The following LRRC9 variants were observed in gnomAD, a reference collection of about 807,000 sequenced individuals.
LRRC9 encodes leucine rich repeat containing 9.
In LRRC9, 122 loss-of-function variants were observed where a neutral mutation model predicts 63.2. That is an observed-to-expected ratio of 1.93 (90% confidence interval 1.67 to 2.24). The LOEUF (loss-of-function observed/expected upper bound fraction) is 2.24. Among genes scored for constraint, LRRC9 ranks in the 30% most tolerant of loss-of-function variants. The pLI is 0.00. For synonymous variants in LRRC9, 366 were observed against 213.1 expected (o/e 1.72, Z -6.25); for missense variants, 1,071 against 627.7 (o/e 1.71, Z -7.55).
rs1454384844 is a variant in LRRC9 at position 60,053,989 on chromosome 14, C to G, written c.4131+784C>G. On this transcript the variant is annotated intron_variant, in intron 30 of 31. Transcript: ENST00000445360. The surrounding 1 kb of genome is among the most constrained non-coding windows in gnomAD (Gnocchi z 4.8). ...AAGAGAGATGTTATGAAGACCTGGA[C>G]CACGGTAGAGAATATAAATGAATCT... The G allele has an allele frequency of 2.3e-6, 1 of 438,028 alleles. No homozygotes were observed. The highest frequency in any genetic ancestry group is 4.5e-6 in the Non-Finnish European group (1 of 222,008). 27.1% of individuals were successfully genotyped at this position (438,028 alleles called of 1,614,324 possible).
At chr14:59,995,441 G>T (rs1044250374) in intron 17 of LRRC9, among the ~76,000 whole-genome samples, 3 of 152,130 alleles carry the variant, frequency 2.0e-5, no homozygotes, top group African/African-American at 7.2e-5. Context: ...TTGTTAAGTT[G>T]TTCCTGATGT....
At position 59,938,954 on chromosome 14, in the gene LRRC9, T is replaced by TACACAC. The variant is rs1566790306; in HGVS notation, c.726+383_726+384insCACACA. ...ACACATATATACATATACATACATA[T>TACACAC]ATACACACATATATACATATATACA... On this transcript the variant is annotated intron_variant, in intron 7 of 31. Transcript: ENST00000445360. The surrounding 1 kb of genome is among the most constrained non-coding windows in gnomAD (Gnocchi z 4.2). Among the ~76,000 whole-genome samples, 16 of 139,480 alleles carry TACACAC rather than the reference T, an allele frequency of 1.1e-4. No homozygotes were observed. Among genetic ancestry groups the TACACAC allele is most frequent in the African/African-American group, 3.5e-4 (13 of 36,956 alleles). 91.5% of individuals were successfully genotyped at this position (139,480 alleles called of 152,430 possible). A position where few individuals can be genotyped will look rare whatever the true frequency, so the allele number is the denominator to read the frequency against.
rs2140342812 is a variant in LRRC9, at chr14:60,034,763, T to C, written c.3990+2700T>C. Among the ~76,000 whole-genome samples the C allele has an allele frequency of 1.3e-5, 2 of 152,330 alleles. 1 individual carries two copies. The highest frequency in any genetic ancestry group is 4.1e-4 in the South Asian group (2 of 4,828). On this transcript the variant is annotated intron_variant, in intron 29 of 31. Transcript: ENST00000445360. ...ATTCATCCGCTGATGGGCACTTAGG[T>C]TGATTCCATATTTTGGCTATTATGA... is the stretch of plus-strand genomic sequence containing the variant.
At chr14:59,934,205 G>C (rs576024536) in intron 6 of LRRC9, among the ~76,000 whole-genome samples, 4 of 152,152 alleles carry the variant, frequency 2.6e-5, no homozygotes, top group Admixed American at 1.3e-4. Flanking sequence ...GAGACATTAT[G>C]GTTGTTGAAT....
In LRRC9 at chr14:59,932,567, C is replaced by G. The variant is rs1488300118; in HGVS notation, c.543+528C>G. 6.6e-6 allele frequency among the ~76,000 whole-genome samples: 1 copy of G among 152,080 alleles called. No homozygotes were observed. Among genetic ancestry groups the G allele is most frequent in the Non-Finnish European group, 1.5e-5 (1 of 67,976 alleles). On this transcript the variant is annotated intron_variant, in intron 6 of 31. Transcript: ENST00000445360. This position sits in a 1 kb window ranked among gnomAD's most constrained non-coding sequence, Gnocchi z 4.7. ...TTCCTCACCTCTCTAAATGGAGTCTCCATTCTTGCAGTAACTTAAGCCAAA... is the reference window on the plus strand; with the variant it reads ...TTCCTCACCTCTCTAAATGGAGTCTGCATTCTTGCAGTAACTTAAGCCAAA...
intron 29 of LRRC9, among the ~76,000 whole-genome samples, chr14:60,046,774 T>G (rs1365243616): frequency 6.6e-6 from 1 of 151,848 alleles, no homozygotes; most frequent in Non-Finnish European, 1.5e-5. Flanking sequence ...TAAAAATAGT[T>G]TCCATTCTAA....
Position 59,942,136 on chromosome 14 carries a change from C to A in LRRC9, c.727-2453C>A, listed in dbSNP as rs181328895. 3.3e-5 allele frequency among the ~76,000 whole-genome samples: 5 copies of A among 152,234 alleles called. No homozygotes were observed. The East Asian group carries it at 9.6e-4, about 29-fold the overall frequency. On this transcript the variant is annotated intron_variant, in intron 7 of 31. Coordinates refer to ENST00000445360, the Ensembl canonical transcript of LRRC9. The surrounding 1 kb of genome is among the most constrained non-coding windows in gnomAD (Gnocchi z 5.3). ...GGCTCAACCATGTTGCCACAAATGA[C>A]AGGATTTAATTCTTTTTTATGGTTA...
intron 16 of LRRC9, among the ~76,000 whole-genome samples, chr14:59,983,911 A>G (rs1295059410): frequency 6.6e-6 from 1 of 152,244 alleles, no homozygotes; most frequent in Admixed American, 6.5e-5. Context: ...TGCACTATCC[A>G]AAGGAAAAAT....
intron 29 of LRRC9, among the ~76,000 whole-genome samples, chr14:60,038,207 C>T (rs1003529652): frequency 6.6e-6 from 1 of 152,140 alleles, no homozygotes; most frequent in Non-Finnish European, 1.5e-5. Context: ...CGTGATGCCT[C>T]CAGCTTTGTT....
At chr14:60,016,159 T>C (rs913711522) in intron 23 of LRRC9, among the ~76,000 whole-genome samples, 1 of 152,074 alleles carries the variant, frequency 6.6e-6, no homozygotes. Flanking sequence ...TGGTCTGCCT[T>C]CTTCTCCACA....
rs115249899 is a variant in LRRC9, at chr14:60,018,862, T to A, written c.3427-259T>A. Among the ~76,000 whole-genome samples the A allele has an allele frequency of 3.0e-3, 458 of 152,014 alleles. 3 individuals carry two copies. The highest frequency in any genetic ancestry group is 0.011 in the African/African-American group (436 of 41,516). On this transcript the variant is annotated intron_variant, in intron 25 of 31. Coordinates refer to ENST00000445360, the Ensembl canonical transcript of LRRC9. ...GTCTTTTCGACTAAAAATTATTTCA[T>A]CCTTGTCAGGTTTGGAGAAATCAGG... is the stretch of plus-strand genomic sequence containing the variant.
intron 29 of LRRC9, among the ~76,000 whole-genome samples, chr14:60,041,760 A>G (rs993055792): frequency 3.9e-5 from 6 of 152,232 alleles, no homozygotes; most frequent in Non-Finnish European, 5.9e-5. Flanking sequence ...TGTCAAAGTC[A>G]TTCTCCATCC....
Position 59,958,062 on chromosome 14 carries a change from C to T in LRRC9, c.883-1756C>T, listed in dbSNP as rs1489651181. ...GAGCTCTCCTGTATGAGGTGTCTGT[C>T]GACCCCTGTTGGGGTATGTCTCCCA... On this transcript the variant is annotated intron_variant, in intron 8 of 31. Coordinates refer to ENST00000445360, the Ensembl canonical transcript of LRRC9. The surrounding 1 kb of genome is among the most constrained non-coding windows in gnomAD (Gnocchi z 4.0). 9.2e-5 allele frequency among the ~76,000 whole-genome samples: 14 copies of T among 152,188 alleles called. No homozygotes were observed. The highest frequency in any genetic ancestry group is 7.9e-4 in the Admixed American group (12 of 15,278).
chr14:60,013,049 G>T, intron 23 of LRRC9, among the ~76,000 whole-genome samples: 1 of 151,088 alleles, frequency 6.6e-6, no homozygotes, highest in African/African-American at 2.4e-5. Flanking sequence ...ATGTTGGTAT[G>T]CTGCACCCAT....
chr14:60,044,434 C>A (rs1314509171), intron 29 of LRRC9, among the ~76,000 whole-genome samples: 3 of 152,080 alleles, frequency 2.0e-5, no homozygotes, highest in Non-Finnish European at 4.4e-5. Flanking sequence ...GCATTTATTG[C>A]AATAAACTTT....
chr14:60,001,354 T>C (rs949474551), intron 19 of LRRC9, among the ~76,000 whole-genome samples: 1 of 152,144 alleles, frequency 6.6e-6, no homozygotes. Context: ...CCAATGTTCA[T>C]TGACAGGAGA....
intron 16 of LRRC9, among the ~76,000 whole-genome samples, chr14:59,983,846 T>C (rs1887189596): frequency 6.6e-6 from 1 of 152,196 alleles, no homozygotes; most frequent in African/African-American, 2.4e-5. Flanking sequence ...TGACAGCTTG[T>C]GCATGGAATT....
Position 59,990,938 on chromosome 14 carries a change from A to T in LRRC9, c.2211+5714A>T, listed in dbSNP as rs536099271. On this transcript the variant is annotated intron_variant, in intron 17 of 31. Transcript: ENST00000445360. This position sits in a 1 kb window ranked among gnomAD's most constrained non-coding sequence, Gnocchi z 4.2. ...TGTTGATGGTGGTTTATCTCTACCAACTTCTTTTGGAGCCTATAGAGCAAC... is the reference window on the plus strand; with the variant it reads ...TGTTGATGGTGGTTTATCTCTACCATCTTCTTTTGGAGCCTATAGAGCAAC... Among the ~76,000 whole-genome samples, 3 of 152,122 alleles carry T rather than the reference A, an allele frequency of 2.0e-5. No individual in the cohort carries two copies. The highest frequency in any genetic ancestry group is 4.4e-5 in the Non-Finnish European group (3 of 68,026).
chr14:59,975,147 A>G (rs1162917360), intron 13 of LRRC9, among the ~76,000 whole-genome samples: 2 of 24,600 alleles, frequency 8.1e-5, no homozygotes, highest in African/African-American at 1.5e-4. Context: ...ATACATATAT[A>G]TATGTATATA....
Sources: allele counts gnomAD v4.1 joint callset (sites outside exome capture counted in the v4.1 genomes callset), GRCh38; gene constraint gnomAD v4.1.1; non-coding constraint Gnocchi (gnomAD v3.1); transcripts MANE v1.5; gene names NCBI Gene and HGNC (gene_info 2026-07-23, HGNC 2026-07-21).